Variants in GPM6A observed in about 807,000 individuals in gnomAD.
GPM6A encodes glycoprotein M6A.
Under a neutral mutation model 32.1 loss-of-function variants are expected in GPM6A, and 7 were observed. The observed-to-expected ratio is 0.22, with a 90% confidence interval of 0.12 to 0.41. The LOEUF is 0.41. Among genes scored for constraint, GPM6A ranks in the 10% least tolerant of loss-of-function variants. The pLI, the probability that GPM6A is intolerant of heterozygous loss-of-function variation, is 1.00. For missense variants in GPM6A, 235 were observed against 347.2 expected, an observed-to-expected ratio of 0.68 and a Z score of 2.57; for synonymous variants, 130 against 123.4, an observed-to-expected ratio of 1.05 and a Z score of -0.35.
chr4:175,851,349 G>A (rs889544814), intron 1 of GPM6A, among the ~76,000 whole-genome samples: 1 of 152,108 alleles, frequency 6.6e-6, no homozygotes, highest in African/African-American at 2.4e-5. Flanking sequence ...GCTGAGCATG[G>A]TGGTGGACGC....
At chr4:175,738,343 A>G (rs181417236) in intron 1 of GPM6A, among the ~76,000 whole-genome samples, 7 of 152,236 alleles carry the variant, frequency 4.6e-5, no homozygotes, top group African/African-American at 1.4e-4. Context: ...TACTTTGTTC[A>G]CTGCTCATTG....
intron 1 of GPM6A, among the ~76,000 whole-genome samples, chr4:175,708,680 A>G (rs1202230749): frequency 6.6e-6 from 1 of 152,206 alleles, no homozygotes; most frequent in East Asian, 1.9e-4. Context: ...TGTCTAGAGT[A>G]TCTAAGGAAA....
At chr4:175,792,721 C>A (rs1405109398) in intron 1 of GPM6A, among the ~76,000 whole-genome samples, 1 of 152,058 alleles carries the variant, frequency 6.6e-6, no homozygotes, top group Non-Finnish European at 1.5e-5. Context: ...TCTTTGACAT[C>A]TGATCAGAAA....
chr4:175,953,025 G>GT (rs75314586), intron 1 of GPM6A, among the ~76,000 whole-genome samples: 66,114 of 132,600 alleles, frequency 0.5, 17,805 homozygotes, highest in Admixed American at 0.63. Context: ...ACAAGACCCT[G>GT]TTTTTAAAAA....
At chr4:175,899,622 AAG>A (rs1265363003) in intron 1 of GPM6A, among the ~76,000 whole-genome samples, 1 of 152,180 alleles carries the variant, frequency 6.6e-6, no homozygotes, top group Non-Finnish European at 1.5e-5. Flanking sequence ...ACACTTGGGG[AAG>A]AGAGTCTCTT....
At chr4:175,991,266 G>C (rs1480464041) in intron 1 of GPM6A, among the ~76,000 whole-genome samples, 1 of 149,260 alleles carries the variant, frequency 6.7e-6, no homozygotes, top group Non-Finnish European at 1.5e-5. Flanking sequence ...AGTAGAAACG[G>C]AGTTTCACCA....
chr4:175,786,512 C>T (rs1733804381), intron 1 of GPM6A, among the ~76,000 whole-genome samples: 2 of 151,872 alleles, frequency 1.3e-5, no homozygotes, highest in Non-Finnish European at 2.9e-5. Flanking sequence ...GTCTTAATGT[C>T]ACTTCAAACT....
At chr4:175,885,166 T>C (rs1560979340) in intron 1 of GPM6A, among the ~76,000 whole-genome samples, 4 of 152,220 alleles carry the variant, frequency 2.6e-5, no homozygotes, top group Admixed American at 1.3e-4. Context: ...AATTGTGGTA[T>C]AACCATGGAG....
chr4:175,768,040 T>TGTTTTG (rs1560922568), intron 1 of GPM6A, among the ~76,000 whole-genome samples: 1 of 152,170 alleles, frequency 6.6e-6, no homozygotes, highest in Non-Finnish European at 1.5e-5. Context: ...AGTTCACCCC[T>TGTTTTG]AAAACTGAGG....
At chr4:175,732,919 G>A (rs1037599187) in intron 1 of GPM6A, among the ~76,000 whole-genome samples, 3 of 152,106 alleles carry the variant, frequency 2.0e-5, no homozygotes, top group Non-Finnish European at 4.4e-5. Flanking sequence ...ATAATCTGAG[G>A]AAACTGAGAC....
chr4:175,656,165 G>C (rs961754216), intron 3 of GPM6A, among the ~76,000 whole-genome samples: 28 of 151,740 alleles, frequency 1.8e-4, no homozygotes, highest in African/African-American at 6.3e-4. Context: ...AAATCCTCTT[G>C]ACCCACAAAA....
intron 1 of GPM6A, among the ~76,000 whole-genome samples, chr4:175,725,295 G>GTT (rs34600738): frequency 3.1e-5 from 4 of 130,334 alleles, no homozygotes; most frequent in Admixed American, 7.9e-5. Context: ...TTGGGTTTTT[G>GTT]TTTTTTTTTT....
At chr4:175,961,925 TACAGG>T in intron 1 of GPM6A, 20 of 359,892 alleles carry the variant, frequency 5.6e-5, no homozygotes, top group Middle Eastern at 8.1e-4. Context: ...GAGTCCTAAT[TACAGG>T]ACAGGACAGG....
upstream of GPM6A, among the ~76,000 whole-genome samples, chr4:175,816,319 T>C (rs2111340935): frequency 6.6e-6 from 1 of 152,380 alleles, no homozygotes; most frequent in South Asian, 2.1e-4. Context: ...TTTTTTCTTA[T>C]GTGAGCTCAC....
intron 1 of GPM6A, among the ~76,000 whole-genome samples, chr4:175,981,967 T>G (rs1740833013): frequency 6.6e-6 from 1 of 152,098 alleles, no homozygotes; most frequent in African/African-American, 2.4e-5. Context: ...CATAGGTGTA[T>G]TGTGTTATCT....
At chr4:175,805,839 C>T (rs1229571600) in intron 1 of GPM6A, 1 of 152,058 alleles carries the variant, frequency 6.6e-6, no homozygotes, top group Non-Finnish European at 1.5e-5. Flanking sequence ...AACTGAGTCT[C>T]ATCTTTGACC....
intron 1 of GPM6A, among the ~76,000 whole-genome samples, chr4:175,772,961 C>A (rs1247342981): frequency 6.6e-6 from 1 of 152,200 alleles, no homozygotes; most frequent in East Asian, 1.9e-4. Flanking sequence ...CACCTTAGGT[C>A]TTGGCCAGGG....
intron 1 of GPM6A, among the ~76,000 whole-genome samples, chr4:175,883,167 G>C (rs1737336241): frequency 6.6e-6 from 1 of 151,952 alleles, no homozygotes; most frequent in African/African-American, 2.4e-5. Context: ...GAAACTACTA[G>C]ATTGAAACAC....
intron 1 of GPM6A, among the ~76,000 whole-genome samples, chr4:175,840,605 C>T (rs1266802114): frequency 6.6e-6 from 1 of 152,096 alleles, no homozygotes; most frequent in African/African-American, 2.4e-5. Flanking sequence ...ACCCAGGAGG[C>T]GGAGGTTTCA....
Sources: allele counts gnomAD v4.1 joint callset (sites outside exome capture counted in the v4.1 genomes callset), GRCh38; gene constraint gnomAD v4.1.1; transcripts MANE v1.5; gene names NCBI Gene and HGNC (gene_info 2026-07-23, HGNC 2026-07-21).